NQO2: variants seen among roughly 807,000 people sequenced by gnomAD.
The protein encoded by NQO2 is ribosyldihydronicotinamide dehydrogenase [quinone].
NQO2 carries 18 observed loss-of-function variants against 22.0 expected under a neutral mutation model. The observed-to-expected ratio is 0.82, with a 90% CI of 0.56 to 1.21. The LOEUF (loss-of-function observed/expected upper bound fraction) is 1.21, where lower values mean the gene tolerates loss of function less well. Ranked by LOEUF, NQO2 falls within the 50% of genes most tolerant of loss-of-function variation. NQO2 has a pLI of 0.00. For synonymous variants in NQO2, 106 were observed against 110.8 expected (o/e 0.96, Z 0.28); for missense variants, 267 against 286.9 (o/e 0.93, Z 0.50).
intron 1 of NQO2, chr6:3,003,381 A>T (rs1433957039): frequency 3.3e-6 from 1 of 304,962 alleles, no homozygotes; most frequent in African/African-American, 2.4e-5. Flanking sequence ...TCCCAAGAAC[A>T]TCCAGGATTT....
In NQO2 at chr6:3,019,534, C is replaced by G; in HGVS notation, c.575C>G (p.Ala192Gly). Residue 192 changes from alanine to glycine, a missense_variant, in exon 7 of 7, where the codon GCT (alanine) becomes GGT (glycine). Coordinates refer to ENST00000380455, the MANE Select transcript of NQO2 (RefSeq NM_000904.6). ...FKVLAPQISFAPEIASEEERK... is the reference protein window; with the variant it reads ...FKVLAPQISFGPEIASEEERK... ...GTCCTTGCCCCTCAGATCAGCTTTGCTCCTGAAATTGCATCCGAAGAAGAA... is the reference window on the plus strand; with the variant it reads ...GTCCTTGCCCCTCAGATCAGCTTTGGTCCTGAAATTGCATCCGAAGAAGAA... 6.2e-7 allele frequency: 1 copy of G among 1,614,198 alleles called. No homozygotes were observed. The highest frequency in any genetic ancestry group is 8.5e-7 in the Non-Finnish European group (1 of 1,180,042).
In NQO2 at chr6:3,010,152, G is replaced by C; in HGVS notation, c.135G>C (p.Met45Ile). The C allele has an allele frequency of 1.2e-6, 2 of 1,613,724 alleles. No homozygotes were observed. Among genetic ancestry groups the C allele is most frequent in the Non-Finnish European group, 1.7e-6 (2 of 1,179,806 alleles). The change falls in exon 3 of 7, where the codon ATG becomes ATC. Residue 45 changes from methionine (M) to isoleucine (I), a missense_variant. Physicochemically the swap from Met to Ile is conservative, Grantham distance 10. Transcript: ENST00000380455. ...TCACAGTGTCTGATTTGTATGCCAT[G>C]AACCTTGAGCCGAGGGCCACAGACA... ...CTVTVSDLYA[M>I]NLEPRATDKD... is the part of the protein sequence containing the mutation.
chr6:3,005,084 G>A (rs892254919), intron 1 of NQO2, among the ~76,000 whole-genome samples: 1 of 152,030 alleles, frequency 6.6e-6, no homozygotes, highest in Admixed American at 6.6e-5. Context: ...TGTGAGCCAC[G>A]GTGCCTGACC....
At position 3,000,103 on chromosome 6, in the gene NQO2, G is replaced by A. The variant is rs2071004; in HGVS notation, c.-86+18G>A. On this transcript the variant is annotated intron_variant, in intron 1 of 6. Coordinates refer to ENST00000380455, the MANE Select transcript of NQO2 (RefSeq NM_000904.6). The stretch of plus-strand genomic sequence containing the variant: ...GTCGGAAGGTGAGTGATCCCCTGTC[G>A]GGGACCGGGGGACTTGGGAAGGACA... The A allele has an allele frequency of 0.22, 33,099 of 152,280 alleles. 3,716 individuals are homozygous for A. The highest frequency in any genetic ancestry group is 0.38 in the Middle Eastern group (112 of 296). 9.4% of individuals were successfully genotyped at this position (152,280 alleles called of 1,614,324 possible).
At chr6:3,003,074 C>T (rs1047703350) in intron 1 of NQO2, among the ~76,000 whole-genome samples, 1 of 152,216 alleles carries the variant, frequency 6.6e-6, no homozygotes, top group Admixed American at 6.5e-5. Flanking sequence ...ATTGTGATAG[C>T]CAAAGTTTGC....
chr6:3,007,330 G>GGGT (rs1756987893), intron 2 of NQO2, among the ~76,000 whole-genome samples: 1 of 152,128 alleles, frequency 6.6e-6, no homozygotes. Context: ...CATTGGTGTA[G>GGGT]GTATTTCATT....
At chr6:3,015,967 AGAGT>A (rs1261838373) in intron 5 of NQO2, among the ~76,000 whole-genome samples, 1 of 152,112 alleles carries the variant, frequency 6.6e-6, no homozygotes, top group African/African-American at 2.4e-5. Flanking sequence ...GGCTCCAGAG[AGAGT>A]ATCTCCCTGG....
chr6:3,011,106 C>T lies in NQO2; in HGVS notation c.172+917C>T, dbSNP rs192296506. Among the ~76,000 whole-genome samples, 5 of 152,252 alleles carry T rather than the reference C, an allele frequency of 3.3e-5. 1 individual carries two copies. The highest frequency in any genetic ancestry group is 3.3e-4 in the Admixed American group (5 of 15,294). ...GGGAACCATGACCTCTCCACACAGA[C>T]AAAGCAAGGAACCAGTGACTGAACC... On this transcript the variant is annotated intron_variant, in intron 3 of 6. Transcript: ENST00000380455.
chr6:3,012,945 A>ATTTT (rs1561715126), intron 4 of NQO2, among the ~76,000 whole-genome samples: 3 of 61,786 alleles, frequency 4.9e-5, no homozygotes, highest in Non-Finnish European at 1.0e-4. Flanking sequence ...ATGTAACACT[A>ATTTT]CTTTTTTTTT....
intron 6 of NQO2, among the ~76,000 whole-genome samples, chr6:3,018,748 T>G (rs9501911): frequency 0.51 from 77,244 of 151,886 alleles, 19,766 homozygotes; most frequent in South Asian, 0.57. Flanking sequence ...TGATAATTTA[T>G]AAACCTGACC....
intron 2 of NQO2, 136 bp from the exon 3 acceptor site, chr6:3,009,889 A>G: frequency 7.1e-7 from 1 of 1,414,548 alleles, no homozygotes; most frequent in East Asian, 2.5e-5. Flanking sequence ...AAAGAGACAG[A>G]AAGAAAAGAA....
chr6:3,000,279 T>A (rs1299664282), intron 1 of NQO2, 194 bp downstream of exon 1: 1 of 152,142 alleles, frequency 6.6e-6, no homozygotes, highest in Non-Finnish European at 1.5e-5. Context: ...GGTCCCGGTG[T>A]CGAATCGTCT....
In NQO2 at chr6:3,010,074, C is replaced by G; in HGVS notation, c.57C>G (p.Asn19Lys). 1 of 1,613,984 alleles carries G rather than the reference C, an allele frequency of 6.2e-7. No homozygotes were observed. Among genetic ancestry groups the G allele is most frequent in the Non-Finnish European group, 8.5e-7 (1 of 1,179,950 alleles). The stretch of plus-strand genomic sequence containing the variant: ...CACACCAGGAACCCAAGTCTTTCAA[C>G]GGATCCTTGAAGAATGTGGCTGTAG... Reference protein sequence around the residue: ...VYAHQEPKSFNGSLKNVAVDE... With the variant: ...VYAHQEPKSFKGSLKNVAVDE... Residue 19 changes from asparagine to lysine, a missense_variant, in exon 3 of 7, where the codon AAC becomes AAG. Asn to Lys is a moderately conservative substitution (Grantham distance 94). Transcript: ENST00000380455.
chr6:3,005,624 T>G, intron 1 of NQO2: 1 of 985,288 alleles, frequency 1.0e-6, no homozygotes, highest in Non-Finnish European at 1.2e-6. Context: ...TGAGCTGTTT[T>G]TTTATGGTAG....
Position 3,006,759 on chromosome 6 carries a change from A to G in NQO2, c.7+200A>G. Reference sequence around the variant, plus strand: ...ACGTGGAAGTGTATAAACTATCTGGAATTATCTTGTTTTCTATGTTCTCAC... The same window carrying G: ...ACGTGGAAGTGTATAAACTATCTGGGATTATCTTGTTTTCTATGTTCTCAC... On this transcript the variant is annotated intron_variant, in intron 2 of 6. Transcript: ENST00000380455. The surrounding 1 kb of genome is among the most constrained non-coding windows in gnomAD (Gnocchi z 4.0). The G allele has an allele frequency of 2.0e-6, 1 of 510,978 alleles. No homozygotes were observed. The highest frequency in any genetic ancestry group is 3.4e-6 in the Non-Finnish European group (1 of 292,784). The allele number at this position is 510,978 out of a possible 1,614,324, so 31.7% of individuals were successfully genotyped here.
intron 6 of NQO2, 85 bp from the exon 7 acceptor site, chr6:3,019,393 AC>A (rs1212422436): frequency 2.0e-6 from 3 of 1,479,794 alleles, no homozygotes; most frequent in Non-Finnish European, 2.7e-6. Flanking sequence ...TTTGTTTCAC[AC>A]CATTTCCCCC....
chr6:3,002,900 T>C (rs2113429134), intron 1 of NQO2, among the ~76,000 whole-genome samples: 2 of 152,280 alleles, frequency 1.3e-5, no homozygotes, highest in South Asian at 4.1e-4. Flanking sequence ...ATTACAGGCA[T>C]GCACCACCAC....
chr6:3,003,242 C>T (rs1376941080), intron 1 of NQO2, among the ~76,000 whole-genome samples: 1 of 152,212 alleles, frequency 6.6e-6, no homozygotes, highest in East Asian at 1.9e-4. Flanking sequence ...AGCCCCACTT[C>T]TCACTGCCAA....
intron 3 of NQO2, 113 bp from the exon 4 acceptor site, chr6:3,012,431 C>T (rs1311158019): frequency 1.1e-5 from 16 of 1,505,332 alleles, no homozygotes; most frequent in Non-Finnish European, 1.4e-5. Flanking sequence ...CAGGTTGCAG[C>T]AAATGTCTTT....
Sources: allele counts gnomAD v4.1 joint callset (sites outside exome capture counted in the v4.1 genomes callset), GRCh38; gene constraint gnomAD v4.1.1; non-coding constraint Gnocchi (gnomAD v3.1); transcripts MANE v1.5; gene names NCBI Gene and HGNC (gene_info 2026-07-23, HGNC 2026-07-21).